Variants in PCDH15 observed in about 807,000 individuals in gnomAD.
PCDH15 encodes protocadherin related 15, also known as protocadherin-15.
PCDH15 carries 129 observed loss-of-function variants against 178.5 expected under a neutral mutation model. The ratio of observed to expected loss-of-function variants is 0.72; its 90% CI spans 0.63 to 0.84. The LOEUF (loss-of-function observed/expected upper bound fraction) is 0.84, where lower values mean the gene tolerates loss of function less well. Among genes scored for constraint, PCDH15 ranks in the 40% least tolerant of loss-of-function variants. The probability of loss-of-function intolerance (pLI) is 0.00; values close to 1 mark genes in which losing one functional copy is unlikely to be tolerated. For missense variants in PCDH15, 2,230 were observed against 2,099.9 expected, an observed-to-expected ratio of 1.06 and a Z score of -1.21; for synonymous variants, 800 against 732.0, an observed-to-expected ratio of 1.09 and a Z score of -1.50.
At chr10:54,025,499 AT>A (rs3067439) in intron 18 of PCDH15, among the ~76,000 whole-genome samples, 28,285 of 135,294 alleles carry the variant, frequency 0.21, 2,888 homozygotes, top group Non-Finnish European at 0.28. Flanking sequence ...CATTTCCACC[AT>A]TTTTTTTTTT....
chr10:54,589,605 A>T (rs1484235854), intron 2 of PCDH15, among the ~76,000 whole-genome samples: 1 of 152,134 alleles, frequency 6.6e-6, no homozygotes, highest in Non-Finnish European at 1.5e-5. Flanking sequence ...TGTGTGTGTT[A>T]TTCATTGATA....
chr10:54,655,236 GGGAA>G (rs1285159450), intron 2 of PCDH15, among the ~76,000 whole-genome samples: 1 of 125,918 alleles, frequency 7.9e-6, no homozygotes, highest in Non-Finnish European at 1.7e-5. Flanking sequence ...AAGGGAGGAA[GGGAA>G]AGAAAGAAAG....
chr10:55,310,779 A>C (rs1439580090), intron 1 of PCDH15, among the ~76,000 whole-genome samples: 1 of 152,214 alleles, frequency 6.6e-6, no homozygotes, highest in Non-Finnish European at 1.5e-5. Flanking sequence ...CAGGTACAGG[A>C]AACCAAATAC....
chr10:53,932,428 T>G (rs2085142731), intron 25 of PCDH15, among the ~76,000 whole-genome samples: 1 of 152,228 alleles, frequency 6.6e-6, no homozygotes, highest in East Asian at 1.9e-4. Flanking sequence ...TCATTGTAAT[T>G]GCTTGTTGCT....
At chr10:54,992,854 A>G (rs997997313) in intron 2 of PCDH15, among the ~76,000 whole-genome samples, 4 of 152,190 alleles carry the variant, frequency 2.6e-5, no homozygotes, top group Admixed American at 2.0e-4. Context: ...TTGCTTTACT[A>G]TTTAATTTAT....
chr10:54,545,949 A>T (rs1042395920), intron 2 of PCDH15, among the ~76,000 whole-genome samples: 1 of 152,248 alleles, frequency 6.6e-6, no homozygotes, highest in African/African-American at 2.4e-5. Context: ...ACACAAGAAC[A>T]TAAAGGAACA....
intron 2 of PCDH15, among the ~76,000 whole-genome samples, chr10:55,155,599 G>A (rs2254689): frequency 0.4 from 60,626 of 151,276 alleles, 12,835 homozygotes; most frequent in African/African-American, 0.54. Flanking sequence ...GCAAAGATAA[G>A]TATTTCTTGA....
At chr10:55,381,028 T>C (rs1029693918) in intron 2 of PCDH15, among the ~76,000 whole-genome samples, 1 of 152,194 alleles carries the variant, frequency 6.6e-6, no homozygotes, top group African/African-American at 2.4e-5. Context: ...GATTTCCTAA[T>C]GTCCAACCTG....
chr10:55,080,454 G>T (rs1842010505), intron 2 of PCDH15, among the ~76,000 whole-genome samples: 1 of 152,042 alleles, frequency 6.6e-6, no homozygotes, highest in Admixed American at 6.6e-5. Flanking sequence ...CAAGTACCTG[G>T]TTCCAAAAAT....
intron 2 of PCDH15, among the ~76,000 whole-genome samples, chr10:54,902,296 G>T (rs1954650361): frequency 6.6e-6 from 1 of 152,150 alleles, no homozygotes; most frequent in Non-Finnish European, 1.5e-5. Flanking sequence ...GTTTGGTTTT[G>T]TGTCCCCACC....
At chr10:55,562,249 C>G (rs972343353) in intron 2 of PCDH15, among the ~76,000 whole-genome samples, 1 of 151,812 alleles carries the variant, frequency 6.6e-6, no homozygotes, top group Non-Finnish European at 1.5e-5. Flanking sequence ...ATTGTTGTCC[C>G]TTATTTACTG....
intron 2 of PCDH15, among the ~76,000 whole-genome samples, chr10:54,547,386 A>G (rs1260445827): frequency 6.6e-6 from 1 of 152,162 alleles, no homozygotes; most frequent in Non-Finnish European, 1.5e-5. Context: ...ATATATTTGT[A>G]GAGCTTAAAA....
At chr10:54,634,291 G>T (rs1490626996) in intron 2 of PCDH15, among the ~76,000 whole-genome samples, 2 of 151,948 alleles carry the variant, frequency 1.3e-5, no homozygotes, top group Non-Finnish European at 2.9e-5. Flanking sequence ...ATAAAATATT[G>T]CACTGCTTTC....
At chr10:54,008,394 C>T (rs2092455179) in intron 20 of PCDH15, among the ~76,000 whole-genome samples, 1 of 152,086 alleles carries the variant, frequency 6.6e-6, no homozygotes, top group African/African-American at 2.4e-5. Context: ...GTAATACCCC[C>T]ATATTGAAAT....
chr10:54,591,408 C>T (rs2091883320), intron 2 of PCDH15, among the ~76,000 whole-genome samples: 1 of 152,100 alleles, frequency 6.6e-6, no homozygotes, highest in Non-Finnish European at 1.5e-5. Context: ...CAAAAGGAGT[C>T]CAGAAGTCAA....
chr10:54,172,212 G>A (rs1421227901), intron 13 of PCDH15, among the ~76,000 whole-genome samples: 5 of 151,876 alleles, frequency 3.3e-5, no homozygotes, highest in Non-Finnish European at 7.4e-5. Flanking sequence ...AGTGTAAATG[G>A]CCAGTCCTTG....
At chr10:53,997,837 TA>T (rs1292941034) in intron 20 of PCDH15, among the ~76,000 whole-genome samples, 1 of 152,208 alleles carries the variant, frequency 6.6e-6, no homozygotes, top group Non-Finnish European at 1.5e-5. Flanking sequence ...GGATGAAGAA[TA>T]AATTAATGTA....
chr10:55,508,698 T>C (rs1445995663), intron 2 of PCDH15, among the ~76,000 whole-genome samples: 1 of 151,766 alleles, frequency 6.6e-6, no homozygotes, highest in African/African-American at 2.4e-5. Flanking sequence ...GAACTTTTAT[T>C]CAAAAGTTAT....
At chr10:55,378,956 G>T in intron 2 of PCDH15, among the ~76,000 whole-genome samples, 1 of 145,352 alleles carries the variant, frequency 6.9e-6, no homozygotes, top group African/African-American at 2.6e-5. Context: ...ATATTCAATT[G>T]CTTATTTTTC....
Sources: allele counts gnomAD v4.1 joint callset (sites outside exome capture counted in the v4.1 genomes callset), GRCh38; gene constraint gnomAD v4.1.1; transcripts MANE v1.5; gene names NCBI Gene and HGNC (gene_info 2026-07-23, HGNC 2026-07-21).